The following ALG9 variants were observed in gnomAD, a reference collection of about 807,000 sequenced individuals.
ALG9 encodes ALG9 alpha-1,2-mannosyltransferase.
In ALG9, 55 loss-of-function variants were observed where a neutral mutation model predicts 81.8. The observed-to-expected ratio is 0.67, with a 90% CI of 0.54 to 0.84. The LOEUF (loss-of-function observed/expected upper bound fraction) is 0.84, where lower values mean the gene tolerates loss of function less well. Ranked by LOEUF, ALG9 falls within the 40% of genes least tolerant of loss-of-function variation. The pLI is 0.00. For synonymous variants in ALG9, 278 were observed against 274.3 expected, an observed-to-expected ratio of 1.01 and a Z score of -0.13; for missense variants, 629 against 745.0, an observed-to-expected ratio of 0.84 and a Z score of 1.81.
chr11:111,827,717 A>C (rs1436496311), intron 13 of ALG9, among the ~76,000 whole-genome samples: 3 of 151,508 alleles, frequency 2.0e-5, no homozygotes, highest in African/African-American at 7.3e-5. Flanking sequence ...AAATACAAAA[A>C]ATTAGCCAGG....
At chr11:111,803,244 G>A (rs782653087) in intron 14 of ALG9, among the ~76,000 whole-genome samples, 3 of 152,110 alleles carry the variant, frequency 2.0e-5, no homozygotes, top group Non-Finnish European at 2.9e-5. Context: ...GCTCATGCCT[G>A]TAATCCCAAT....
intron 5 of ALG9, 134 bp from the exon 6 acceptor site, chr11:111,857,871 A>G: frequency 2.0e-6 from 2 of 1,012,694 alleles, no homozygotes; most frequent in Non-Finnish European, 3.0e-6. Context: ...GGGAAATGCT[A>G]TATTAGAAAG....
chr11:111,870,452 A>AAGGAC (rs1431511848), intron 1 of ALG9, 82 bp from the exon 2 acceptor site: 5 of 1,461,176 alleles, frequency 3.4e-6, no homozygotes, highest in Non-Finnish European at 4.5e-6. Context: ...TCTAGATAGA[A>AAGGAC]AGGACAAAAA....
intron 14 of ALG9, among the ~76,000 whole-genome samples, chr11:111,797,193 C>T (rs782453161): frequency 3.3e-5 from 5 of 152,216 alleles, no homozygotes; most frequent in African/African-American, 4.8e-5. Flanking sequence ...ATGAGCTATT[C>T]AACTGGCTTG....
intron 8 of ALG9, among the ~76,000 whole-genome samples, chr11:111,846,488 C>A (rs1956967634): frequency 6.6e-6 from 1 of 152,158 alleles, no homozygotes; most frequent in African/African-American, 2.4e-5. Flanking sequence ...TTACAGCTAT[C>A]TTTTTATCTA....
At chr11:111,815,268 G>A (rs1296464860) in intron 13 of ALG9, among the ~76,000 whole-genome samples, 1 of 152,062 alleles carries the variant, frequency 6.6e-6, no homozygotes, top group Non-Finnish European at 1.5e-5. Flanking sequence ...GGCTCAGTGT[G>A]GTGGCTCGCA....
At position 111,843,044 on chromosome 11, in the gene ALG9, C is replaced by A. The variant is rs1008017718; in HGVS notation, c.1018+1557G>T. Among the ~76,000 whole-genome samples, 9 of 152,222 alleles carry A rather than the reference C, an allele frequency of 5.9e-5. No individual in the cohort carries two copies. The East Asian group carries it at 1.7e-3, about 29-fold the overall frequency. On this transcript the variant is annotated intron_variant, in intron 9 of 14. Transcript: ENST00000616540. ...AAGCAATCCTCCCACCGTAGCCTCC[C>A]GGGCAGCTGGAACTATATGCACGTG...
At chr11:111,820,146 T>C in intron 13 of ALG9, among the ~76,000 whole-genome samples, 1 of 151,794 alleles carries the variant, frequency 6.6e-6, no homozygotes, top group East Asian at 1.9e-4. Context: ...TCTATTCAGA[T>C]CCATGACTGC....
At chr11:111,828,484 C>T (rs576702435) in intron 13 of ALG9, among the ~76,000 whole-genome samples, 19 of 152,274 alleles carry the variant, frequency 1.2e-4, no homozygotes, top group Admixed American at 2.0e-4. Context: ...TTCCTTGGAG[C>T]TTGTAAATTG....
chr11:111,777,318 T>A (rs1555055607), downstream of ALG9, among the ~76,000 whole-genome samples: 1 of 152,176 alleles, frequency 6.6e-6, no homozygotes, highest in African/African-American at 2.4e-5. Context: ...ATTTTTGCAA[T>A]TATAGCAATA....
intron 13 of ALG9, among the ~76,000 whole-genome samples, chr11:111,812,915 C>CAAAAAAAAAA (rs57311061): frequency 4.4e-4 from 43 of 98,744 alleles, no homozygotes; most frequent in African/African-American, 1.8e-3. Flanking sequence ...GACTCTGTCT[C>CAAAAAAAAAA]AAAAAAAAAA....
At chr11:111,821,396 G>C (rs1952347245) in intron 13 of ALG9, among the ~76,000 whole-genome samples, 1 of 151,996 alleles carries the variant, frequency 6.6e-6, no homozygotes, top group South Asian at 2.1e-4. Flanking sequence ...CCAACCCCTG[G>C]GGCCTCCTGC....
At chr11:111,871,284 G>T (rs1303120265) in intron 1 of ALG9, 68 bp downstream of exon 1, 3 of 1,363,688 alleles carry the variant, frequency 2.2e-6, no homozygotes, top group South Asian at 1.8e-5. Context: ...CCACAGCTAA[G>T]ACCCTCCCGG....
Position 111,870,326 on chromosome 11 carries a change from G to T in ALG9, c.176C>A (p.Ser59Tyr), listed in dbSNP as rs782700432. ...KAGQVWAPEG[S>Y]TAFKCLLSAR... ...TGAAAGCAGACACTTGAAAGCAGTA[G>T]ATCCTTCAGGTGCCCAGACTTGTCC... The change falls in exon 2 of 15, where the codon TCT becomes TAT. Residue 59 changes from serine to tyrosine, a missense_variant. Around this residue, in one of 3 missense-constraint regions of ALG9, gnomAD observed 344 missense variants for 390.5 expected, o/e 0.88. Coordinates refer to ENST00000616540, the MANE Select transcript of ALG9 (RefSeq NM_024740.2). 1.4e-5 allele frequency: 22 copies of T among 1,545,460 alleles called. No homozygotes were observed. In the South Asian group the frequency reaches 2.5e-4, roughly 17 times the overall value.
At chr11:111,852,916 T>C (rs552023886) in intron 8 of ALG9, among the ~76,000 whole-genome samples, 1 of 139,040 alleles carries the variant, frequency 7.2e-6, no homozygotes, top group African/African-American at 2.8e-5. Context: ...CACTCCAGCC[T>C]GGGCAACAAG....
At chr11:111,855,160 T>C (rs1215207608) in intron 6 of ALG9, among the ~76,000 whole-genome samples, 1 of 152,224 alleles carries the variant, frequency 6.6e-6, no homozygotes. Flanking sequence ...TCTGACGGTA[T>C]ATATTTTAGG....
intron 8 of ALG9, among the ~76,000 whole-genome samples, chr11:111,852,568 T>C (rs1957996795): frequency 6.6e-6 from 1 of 152,096 alleles, no homozygotes; most frequent in South Asian, 2.1e-4. Context: ...TTTTCCAAAC[T>C]TTCTCCCCAA....
intron 14 of ALG9, among the ~76,000 whole-genome samples, chr11:111,792,064 C>CA (rs2136230431): frequency 6.6e-6 from 1 of 152,316 alleles, no homozygotes; most frequent in South Asian, 2.1e-4. Flanking sequence ...GCCTGGGTGA[C>CA]AGGGCGAGAC....
At chr11:111,781,001 A>G (rs1324893266), downstream of ALG9, among the ~76,000 whole-genome samples, 1 of 152,226 alleles carries the variant, frequency 6.6e-6, no homozygotes, top group Non-Finnish European at 1.5e-5. Context: ...AAGAGTCTGA[A>G]GTCTAGAAAG....
Sources: allele counts gnomAD v4.1 joint callset (sites outside exome capture counted in the v4.1 genomes callset), GRCh38; gene constraint gnomAD v4.1.1; regional missense constraint gnomAD v4.1.1; transcripts MANE v1.5; gene names NCBI Gene and HGNC (gene_info 2026-07-23, HGNC 2026-07-21).